JARID2: variants seen among roughly 807,000 people sequenced by gnomAD.
JARID2 encodes protein Jumonji.
JARID2 carries 21 observed loss-of-function variants against 125.6 expected under a neutral mutation model. The ratio of observed to expected loss-of-function variants is 0.17; its 90% CI spans 0.12 to 0.24. The LOEUF (loss-of-function observed/expected upper bound fraction) is 0.24. JARID2 is among the 10% of genes least tolerant of loss of function. The pLI, the probability that JARID2 is intolerant of heterozygous loss-of-function variation, is 1.00. For missense variants in JARID2, 1,303 were observed against 1,639.6 expected, an observed-to-expected ratio of 0.79 and a Z score of 3.55; for synonymous variants, 736 against 661.6, an observed-to-expected ratio of 1.11 and a Z score of -1.73.
At chr6:15,297,834 A>G (rs544502094) in intron 1 of JARID2, among the ~76,000 whole-genome samples, 1 of 152,018 alleles carries the variant, frequency 6.6e-6, no homozygotes, top group South Asian at 2.1e-4. Flanking sequence ...TAGACCCTAG[A>G]TTTTCTCTAC....
chr6:15,304,748 C>T (rs1761760455), intron 1 of JARID2, among the ~76,000 whole-genome samples: 2 of 152,160 alleles, frequency 1.3e-5, no homozygotes, highest in African/African-American at 2.4e-5. Flanking sequence ...TAGCTCTGGC[C>T]AATTTACTTA....
intron 1 of JARID2, among the ~76,000 whole-genome samples, chr6:15,309,527 G>A (rs1761944462): frequency 6.6e-6 from 1 of 152,008 alleles, no homozygotes; most frequent in Admixed American, 6.6e-5. Context: ...AAATGAAATG[G>A]TAGCAAGAAT....
intron 3 of JARID2, among the ~76,000 whole-genome samples, chr6:15,429,353 A>T (rs891643525): frequency 1.3e-5 from 2 of 151,446 alleles, no homozygotes; most frequent in Non-Finnish European, 2.9e-5. Context: ...ACAACCTTGG[A>T]TTCCTGGGCT....
intron 4 of JARID2, 85 bp from the exon 5 acceptor site, chr6:15,468,457 T>G (rs1309756939): frequency 1.6e-6 from 2 of 1,241,102 alleles, no homozygotes; most frequent in East Asian, 4.9e-5. Flanking sequence ...TTTTTTCTCC[T>G]CGGTTTTGTT....
In JARID2 at chr6:15,521,507, C is replaced by T. The variant is rs1561925864; in HGVS notation, c.*1256C>T. The T allele has an allele frequency of 6.6e-6, 1 of 151,698 alleles. No individual in the cohort carries two copies. The highest frequency in any genetic ancestry group is 1.5e-5 in the Non-Finnish European group (1 of 67,954). 9.4% of individuals were successfully genotyped at this position (151,698 alleles called of 1,614,324 possible). A position where few individuals can be genotyped will look rare whatever the true frequency, so the allele number is the denominator to read the frequency against. On this transcript the variant is annotated 3_prime_UTR_variant, in exon 18 of 18. Transcript: ENST00000341776. ...TGGATTGGATGCTTACAGGGTTTTT[C>T]TTGTAACATTTATAAGTGCTGCTTA...
chr6:15,483,490 C>T (rs1220233686), intron 5 of JARID2, among the ~76,000 whole-genome samples: 1 of 151,918 alleles, frequency 6.6e-6, no homozygotes, highest in African/African-American at 2.4e-5. Flanking sequence ...GCTAAAGTAC[C>T]CGTGATTTCA....
chr6:15,434,900 G>C (rs1363629748), intron 3 of JARID2, among the ~76,000 whole-genome samples: 1 of 152,168 alleles, frequency 6.6e-6, no homozygotes, highest in Non-Finnish European at 1.5e-5. Flanking sequence ...TCCTTCAATA[G>C]AAAAATGGTT....
intron 3 of JARID2, among the ~76,000 whole-genome samples, chr6:15,439,470 C>T (rs1187976682): frequency 3.3e-5 from 5 of 152,166 alleles, no homozygotes; most frequent in South Asian, 2.1e-4. Flanking sequence ...GAGGAACCTA[C>T]GATGGATATG....
At chr6:15,480,913 T>C (rs1429878856) in intron 5 of JARID2, among the ~76,000 whole-genome samples, 1 of 152,204 alleles carries the variant, frequency 6.6e-6, no homozygotes, top group Non-Finnish European at 1.5e-5. Context: ...CCAGGAAACT[T>C]GTGTCAGCAT....
chr6:15,354,850 G>A (rs1309615823), intron 1 of JARID2, among the ~76,000 whole-genome samples: 1 of 152,188 alleles, frequency 6.6e-6, no homozygotes, highest in African/African-American at 2.4e-5. Context: ...TCCTTAGACT[G>A]GGGTATAGGT....
chr6:15,271,100 C>T (rs1282371856), intron 1 of JARID2, among the ~76,000 whole-genome samples: 1 of 152,136 alleles, frequency 6.6e-6, no homozygotes, highest in Non-Finnish European at 1.5e-5. Context: ...AGTTTGTAGC[C>T]TTTCATTTTA....
At position 15,520,779 on chromosome 6, in the gene JARID2, G is replaced by C; in HGVS notation, c.*528G>C. ...AGATGAGCTTGTGATCTGGGAAGCC[G>C]GGGCACCCCCGTTTTGTTTCTCTGG... On this transcript the variant is annotated 3_prime_UTR_variant, in exon 18 of 18. Transcript: ENST00000341776. 1 of 455,908 alleles carries C rather than the reference G, an allele frequency of 2.2e-6. No homozygotes were observed. Among genetic ancestry groups the C allele is most frequent in the Non-Finnish European group, 4.4e-6 (1 of 226,748 alleles). The allele number at this position is 455,908 out of a possible 1,614,324, so 28.2% of individuals were successfully genotyped here. A position where few individuals can be genotyped will look rare whatever the true frequency, so the allele number is the denominator to read the frequency against.
chr6:15,511,632 T>C (rs1358338423), intron 13 of JARID2, among the ~76,000 whole-genome samples: 1 of 152,208 alleles, frequency 6.6e-6, no homozygotes, highest in Non-Finnish European at 1.5e-5. Flanking sequence ...CTTGTTTGTG[T>C]TGTGGGCTGC....
intron 1 of JARID2, among the ~76,000 whole-genome samples, chr6:15,339,351 G>C (rs1410632786): frequency 1.3e-5 from 2 of 152,096 alleles, no homozygotes; most frequent in Non-Finnish European, 2.9e-5. Flanking sequence ...TACTCAGGCA[G>C]CCCCTGATAT....
At chr6:15,492,342 C>T (rs1279133941) in intron 6 of JARID2, among the ~76,000 whole-genome samples, 2 of 152,176 alleles carry the variant, frequency 1.3e-5, no homozygotes, top group East Asian at 3.9e-4. Flanking sequence ...CAGATGACTT[C>T]CTGTGTGTGC....
intron 3 of JARID2, among the ~76,000 whole-genome samples, chr6:15,428,285 AT>A (rs951011421): frequency 6.6e-6 from 1 of 151,938 alleles, no homozygotes; most frequent in African/African-American, 2.4e-5. Flanking sequence ...TATTTTTGTT[AT>A]ACTTTAAGTT....
At chr6:15,504,390 C>A in intron 8 of JARID2, 110 bp from the exon 9 acceptor site, 1 of 754,472 alleles carries the variant, frequency 1.3e-6, no homozygotes, top group Non-Finnish European at 2.4e-6. Context: ...CAAGGTGGCC[C>A]ACAGCCGCAG....
intron 4 of JARID2, 160 bp downstream of exon 4, chr6:15,452,335 G>A (rs1767955570): frequency 3.2e-6 from 2 of 633,776 alleles, no homozygotes; most frequent in Non-Finnish European, 3.9e-6. Flanking sequence ...CCGAGAGAGT[G>A]TGTGCTGGGT....
chr6:15,407,339 C>T (rs551450244), intron 2 of JARID2, among the ~76,000 whole-genome samples: 205 of 152,278 alleles, frequency 1.3e-3, no homozygotes, highest in African/African-American at 4.6e-3. Flanking sequence ...TGTGTTAGAA[C>T]GGGGGACACT....
Sources: allele counts gnomAD v4.1 joint callset (sites outside exome capture counted in the v4.1 genomes callset), GRCh38; gene constraint gnomAD v4.1.1; transcripts MANE v1.5; gene names NCBI Gene and HGNC (gene_info 2026-07-23, HGNC 2026-07-21).